Variants in LGSN observed in about 807,000 individuals in gnomAD.
LGSN encodes lengsin.
In LGSN, 21 loss-of-function variants were observed where a neutral mutation model predicts 19.5. The ratio of observed to expected loss-of-function variants is 1.07; its 90% CI spans 0.76 to 1.55. The LOEUF is 1.55. Ranked by LOEUF, LGSN falls within the 40% of genes most tolerant of loss-of-function variation. LGSN has a pLI of 0.00. For missense variants in LGSN, 673 were observed against 608.5 expected (o/e 1.11, Z -1.12); for synonymous variants, 257 against 215.6 (o/e 1.19, Z -1.68).
chr6:63,566,032 T>C, the LGSN span, among the ~76,000 whole-genome samples: 4 of 152,218 alleles, frequency 2.6e-5, no homozygotes, highest in East Asian at 7.7e-4. Context: ...ATTTTTTGGT[T>C]TCCCATTTAC....
At chr6:63,467,955 G>A in the LGSN span, among the ~76,000 whole-genome samples, 1 of 151,948 alleles carries the variant, frequency 6.6e-6, no homozygotes, top group Non-Finnish European at 1.5e-5. Flanking sequence ...GCCTCACTAA[G>A]TGCTGAAATT....
rs906592394 is a variant in LGSN, at chr6:63,275,970, T to C, written c.*4051A>G. On this transcript the variant is annotated 3_prime_UTR_variant, in exon 4 of 4. Coordinates refer to ENST00000370657, the MANE Select transcript of LGSN (RefSeq NM_016571.3). The stretch of plus-strand genomic sequence containing the variant: ...CAAATGTAAGTAAGATCTGTACCTT[T>C]TATTCTGAGAATTCACATCCTAATT... 6.6e-6 allele frequency: 1 copy of C among 152,242 alleles called. No individual in the cohort carries two copies. The highest frequency in any genetic ancestry group is 2.1e-4 in the South Asian group (1 of 4,824). The allele number at this position is 152,242 out of a possible 1,614,324, so 9.4% of individuals were successfully genotyped here. A position where few individuals can be genotyped will look rare whatever the true frequency, so the allele number is the denominator to read the frequency against.
At chr6:63,339,534 T>C in the LGSN span, among the ~76,000 whole-genome samples, 1 of 152,222 alleles carries the variant, frequency 6.6e-6, no homozygotes, top group Non-Finnish European at 1.5e-5. Context: ...AATATTCTTT[T>C]CCTTCCCTTC....
At chr6:63,325,062 C>T in the LGSN span, among the ~76,000 whole-genome samples, 1 of 147,922 alleles carries the variant, frequency 6.8e-6, no homozygotes, top group East Asian at 2.0e-4. Flanking sequence ...TGAGATCACA[C>T]CACTGCACTC....
the LGSN span, among the ~76,000 whole-genome samples, chr6:63,504,205 C>T: frequency 6.6e-5 from 10 of 150,974 alleles, no homozygotes; most frequent in Non-Finnish European, 1.5e-4. Context: ...GTGGCGATCT[C>T]GGCTCACTGA....
chr6:63,318,024 T>C (rs1043734616), intron 1 of LGSN, among the ~76,000 whole-genome samples: 1 of 151,436 alleles, frequency 6.6e-6, no homozygotes, highest in Admixed American at 6.6e-5. Context: ...ACCCATAGGA[T>C]CTACTTTAAG....
chr6:63,357,331 C>A, the LGSN span, among the ~76,000 whole-genome samples: 1 of 152,154 alleles, frequency 6.6e-6, no homozygotes, highest in East Asian at 1.9e-4. Context: ...GATTTATAAT[C>A]CTTTGGGTGT....
the LGSN span, among the ~76,000 whole-genome samples, chr6:63,552,740 G>A: frequency 1.3e-4 from 20 of 152,138 alleles, no homozygotes; most frequent in African/African-American, 4.8e-4. Context: ...TCCAGTTTCA[G>A]CTTTCTACAT....
the LGSN span, among the ~76,000 whole-genome samples, chr6:63,332,737 C>G: frequency 6.6e-6 from 1 of 152,146 alleles, no homozygotes; most frequent in African/African-American, 2.4e-5. Flanking sequence ...TCCGATGGTA[C>G]TCACTGCTTG....
At chr6:63,317,840 T>C (rs1768924338) in intron 1 of LGSN, among the ~76,000 whole-genome samples, 1 of 152,214 alleles carries the variant, frequency 6.6e-6, no homozygotes, top group Non-Finnish European at 1.5e-5. Flanking sequence ...ACGTCAGAAC[T>C]GTGTCTACCT....
the LGSN span, among the ~76,000 whole-genome samples, chr6:63,478,959 C>T: frequency 5.9e-5 from 9 of 152,094 alleles, no homozygotes; most frequent in Non-Finnish European, 8.8e-5. Flanking sequence ...CTTACAGAGA[C>T]GTATAAAAGG....
the LGSN span, among the ~76,000 whole-genome samples, chr6:63,430,639 C>A: frequency 6.6e-6 from 1 of 152,114 alleles, no homozygotes; most frequent in Non-Finnish European, 1.5e-5. Flanking sequence ...TCGCTTGCCA[C>A]GGCCTCTGAA....
the LGSN span, among the ~76,000 whole-genome samples, chr6:63,477,467 T>C: frequency 2.6e-5 from 4 of 152,084 alleles, no homozygotes; most frequent in African/African-American, 7.2e-5. Context: ...TCGTGGCTAA[T>C]AAAGCATTTA....
chr6:63,290,086 AACTT>A (rs1380274158), intron 2 of LGSN, among the ~76,000 whole-genome samples: 2 of 152,226 alleles, frequency 1.3e-5, no homozygotes, highest in Non-Finnish European at 2.9e-5. Context: ...GTTTTGGAAA[AACTT>A]AGAGAAGTTA....
At chr6:63,486,772 C>T in the LGSN span, among the ~76,000 whole-genome samples, 1 of 143,506 alleles carries the variant, frequency 7.0e-6, no homozygotes, top group Non-Finnish European at 1.5e-5. Flanking sequence ...GCAGCCTCAA[C>T]CTCCCCAGGC....
At chr6:63,493,072 C>T in the LGSN span, among the ~76,000 whole-genome samples, 81,399 of 151,872 alleles carry the variant, frequency 0.54, 23,641 homozygotes, top group African/African-American at 0.77. Flanking sequence ...TCTTTCCTCT[C>T]CCCAAATCTC....
intron 1 of LGSN, among the ~76,000 whole-genome samples, chr6:63,304,648 A>G (rs1010678411): frequency 3.3e-5 from 5 of 152,188 alleles, no homozygotes; most frequent in African/African-American, 1.2e-4. Context: ...ACTAATAGGA[A>G]CCTTGGCTAA....
chr6:63,513,680 G>A, the LGSN span, among the ~76,000 whole-genome samples: 2 of 152,148 alleles, frequency 1.3e-5, no homozygotes, highest in South Asian at 4.1e-4. Flanking sequence ...AGAGGCCAAG[G>A]CAGGTGGATC....
chr6:63,490,529 A>T, the LGSN span, among the ~76,000 whole-genome samples: 1 of 152,136 alleles, frequency 6.6e-6, no homozygotes, highest in African/African-American at 2.4e-5. Flanking sequence ...TTCTCCAAAG[A>T]AACAGATCCA....
Sources: gnomAD v4.1 joint callset for allele counts (sites outside exome capture counted in the v4.1 genomes callset) on GRCh38, gnomAD v4.1.1 for gene constraint, MANE v1.5 for transcripts, NCBI Gene and HGNC (gene_info 2026-07-23, HGNC 2026-07-21) for gene names.